The following ZDHHC15 variants were observed in gnomAD, a reference collection of about 807,000 sequenced individuals.
The protein encoded by ZDHHC15 is zDHHC palmitoyltransferase 15.
A neutral mutation model predicts 31.7 loss-of-function variants in ZDHHC15; 19 were observed. That is an observed-to-expected ratio of 0.60 (90% CI 0.42 to 0.88). The LOEUF is 0.88. ZDHHC15 is among the 40% of genes least tolerant of loss of function. ZDHHC15 has a pLI of 0.00. For missense variants in ZDHHC15, 209 were observed against 251.2 expected (o/e 0.83, Z 1.14); for synonymous variants, 103 against 90.0 (o/e 1.14, Z -0.82).
intron 10 of ZDHHC15, among the ~76,000 whole-genome samples, chrX:75,414,985 G>A (rs1026144723): frequency 1.9e-5 from 2 of 103,498 alleles, no homozygotes; most frequent in Non-Finnish European, 3.9e-5. Context: ...TGTTGGCCAG[G>A]CTGGTCTCAA....
chrX:75,374,431 A>G (rs925331012), intron 11 of ZDHHC15, among the ~76,000 whole-genome samples: 8 of 109,881 alleles, frequency 7.3e-5, no homozygotes, highest in African/African-American at 2.7e-4. Context: ...ATCTAGAAAG[A>G]ATGAGAGAGT....
intron 7 of ZDHHC15, among the ~76,000 whole-genome samples, chrX:75,428,612 A>G (rs1443344778): frequency 8.9e-6 from 1 of 111,739 alleles, no homozygotes. Context: ...ATAGGTCAGT[A>G]TATCTTTCTG....
At chrX:75,468,078 CTT>C (rs1179466246) in intron 3 of ZDHHC15, among the ~76,000 whole-genome samples, 2 of 88,054 alleles carry the variant, frequency 2.3e-5, no homozygotes, top group Non-Finnish European at 4.4e-5. Context: ...GAGTTTTGCT[CTT>C]TGTTGCCTAG....
At position 75,407,360 on chromosome X, in the gene ZDHHC15, G is replaced by C. The variant is rs769011554; in HGVS notation, c.967+9727C>G. Among the ~76,000 whole-genome samples the C allele has an allele frequency of 4.5e-5, 5 of 110,594 alleles. No homozygotes were observed. The East Asian group carries it at 1.5e-3, about 33-fold the overall frequency. On this transcript the variant is annotated intron_variant, in intron 10 of 11. Transcript: ENST00000373367. ...AGCCACCCCGTCTGGGAAGTGAGGA[G>C]TGTCTCCACCTGGCAGCCGCCCCGT...
At chrX:75,405,267 G>A (rs1419900886) in intron 10 of ZDHHC15, among the ~76,000 whole-genome samples, 3 of 111,088 alleles carry the variant, frequency 2.7e-5, no homozygotes, top group African/African-American at 9.8e-5. Context: ...CAGAAAAGAT[G>A]ACTATTAGGT....
intron 2 of ZDHHC15, chrX:75,502,026 A>C (rs2085095283): frequency 8.9e-6 from 1 of 111,862 alleles, no homozygotes; most frequent in Non-Finnish European, 1.9e-5. Context: ...TGGATTTTCA[A>C]ATGGAAACCT....
rs1242280616 is a variant in ZDHHC15, at chrX:75,368,812, T to C, written c.*4166A>G. Reference sequence around the variant, plus strand: ...TGTTGGTTTTAACTCATTCTGCTGATGGCTGTGTACCATCCTGCTACAAAG... The same window carrying C: ...TGTTGGTTTTAACTCATTCTGCTGACGGCTGTGTACCATCCTGCTACAAAG... On this transcript the variant is annotated 3_prime_UTR_variant, in exon 12 of 12. Transcript: ENST00000373367. The C allele has an allele frequency of 8.9e-6, 1 of 111,878 alleles. No homozygotes were observed. Among genetic ancestry groups the C allele is most frequent in the Non-Finnish European group, 1.9e-5 (1 of 53,161 alleles). 9.2% of individuals were successfully genotyped at this position (111,878 alleles called of 1,213,427 possible).
chrX:75,493,969 A>G (rs1037321332), intron 2 of ZDHHC15, among the ~76,000 whole-genome samples: 39 of 111,599 alleles, frequency 3.5e-4, no homozygotes, highest in African/African-American at 1.3e-3. Context: ...AGGGTATTCA[A>G]TTAGGAAAAT....
intron 3 of ZDHHC15, among the ~76,000 whole-genome samples, chrX:75,460,555 C>A (rs2084296748): frequency 9.1e-6 from 1 of 109,817 alleles, no homozygotes; most frequent in South Asian, 4.0e-4. Context: ...AGGTCATTAC[C>A]CCCCTGGGAT....
rs181574042 is a variant in ZDHHC15, at chrX:75,520,692, A to G, written c.136+2197T>C. 2.6e-3 allele frequency among the ~76,000 whole-genome samples: 290 copies of G among 111,126 alleles called. 1 individual carries two copies. The highest frequency in any genetic ancestry group is 8.8e-3 in the African/African-American group (270 of 30,626). ...CCAAAGTAGTAAGGTCTGAGAATAG[A>G]AAAGCTTCCCAGTCATTGCATAGTC... On this transcript the variant is annotated intron_variant, in intron 1 of 11. Coordinates refer to ENST00000373367, the MANE Select transcript of ZDHHC15 (RefSeq NM_144969.3).
intron 11 of ZDHHC15, among the ~76,000 whole-genome samples, chrX:75,376,416 C>A (rs1602533147): frequency 9.0e-6 from 1 of 111,210 alleles, no homozygotes; most frequent in Admixed American, 9.6e-5. Context: ...TTAGATCCCA[C>A]TTGTCAATTT....
intron 3 of ZDHHC15, among the ~76,000 whole-genome samples, chrX:75,477,318 G>T (rs965540554): frequency 2.7e-5 from 3 of 111,453 alleles, no homozygotes; most frequent in South Asian, 3.8e-4. Flanking sequence ...CACTTAGGAA[G>T]AAAGTACATT....
chrX:75,457,645 TCACACACACACACACA>T (rs35992807), intron 3 of ZDHHC15, among the ~76,000 whole-genome samples: 1 of 93,917 alleles, frequency 1.1e-5, no homozygotes, highest in Non-Finnish European at 2.2e-5. Flanking sequence ...TTATTTACAC[TCACACACACACACACA>T]CACACACACA....
intron 2 of ZDHHC15, among the ~76,000 whole-genome samples, chrX:75,491,389 C>T (rs1362661471): frequency 2.9e-5 from 3 of 102,925 alleles, no homozygotes; most frequent in East Asian, 3.1e-4. Context: ...AAAAACCAAA[C>T]ACCGCATATT....
Position 75,492,218 on chromosome X carries a change from T to C in ZDHHC15, c.164-13233A>G, listed in dbSNP as rs146648217. 8.0e-3 allele frequency among the ~76,000 whole-genome samples: 892 copies of C among 111,325 alleles called. 11 individuals carry two copies. Among genetic ancestry groups the C allele is most frequent in the African/African-American group, 0.027 (820 of 30,627 alleles). ...GATAATGGTAAAGGGATCAATTCAA[T>C]AAGAAGAGCTAACTATCCTAAATAT... On this transcript the variant is annotated intron_variant, in intron 2 of 11. Coordinates refer to ENST00000373367, the MANE Select transcript of ZDHHC15 (RefSeq NM_144969.3).
chrX:75,468,761 G>A (rs964678761), intron 3 of ZDHHC15, among the ~76,000 whole-genome samples: 2 of 111,334 alleles, frequency 1.8e-5, no homozygotes, highest in African/African-American at 6.5e-5. Flanking sequence ...ATTTAATTTG[G>A]CTATCCTAGT....
chrX:75,441,919 G>A (rs761574501), intron 4 of ZDHHC15, among the ~76,000 whole-genome samples: 13 of 110,944 alleles, frequency 1.2e-4, no homozygotes, highest in Non-Finnish European at 1.5e-4. Context: ...CACCACACCC[G>A]GCCACCCTGT....
At chrX:75,418,220 C>T (rs142758350) in intron 9 of ZDHHC15, among the ~76,000 whole-genome samples, 40 of 111,780 alleles carry the variant, frequency 3.6e-4, no homozygotes, top group Non-Finnish European at 6.4e-4. Flanking sequence ...TAGTTGGATA[C>T]ACCACATCTC....
chrX:75,383,055 T>G (rs1235990883), intron 10 of ZDHHC15, among the ~76,000 whole-genome samples: 4 of 111,664 alleles, frequency 3.6e-5, no homozygotes, highest in Non-Finnish European at 7.5e-5. Context: ...TTAAAAGATC[T>G]ATAAACTGAA....
Sources: gnomAD v4.1 joint callset for allele counts (sites outside exome capture counted in the v4.1 genomes callset) on GRCh38, gnomAD v4.1.1 for gene constraint, MANE v1.5 for transcripts, NCBI Gene and HGNC (gene_info 2026-07-23, HGNC 2026-07-21) for gene names.